DNAAF5: variants seen among roughly 807,000 people sequenced by gnomAD.
DNAAF5 encodes HEAT repeat containing 2.
In DNAAF5, 64 loss-of-function variants were observed where a neutral mutation model predicts 75.8. That is an observed-to-expected ratio of 0.84 (90% CI 0.69 to 1.04). The LOEUF (loss-of-function observed/expected upper bound fraction) is 1.04, where lower values mean the gene tolerates loss of function less well. DNAAF5 is among the 50% of genes least tolerant of loss of function. The pLI is 0.00. For missense variants in DNAAF5, 1,269 were observed against 1,178.5 expected (o/e 1.08, Z -1.12); for synonymous variants, 657 against 557.2 (o/e 1.18, Z -2.52).
intron 8 of DNAAF5, among the ~76,000 whole-genome samples, chr7:769,894 A>G (rs1778495208): frequency 6.6e-6 from 1 of 152,114 alleles, no homozygotes; most frequent in Admixed American, 6.5e-5. Flanking sequence ...CAGGTCACCC[A>G]TCTTGGCTTT....
chr7:760,782 C>T (rs1030575826), intron 6 of DNAAF5, among the ~76,000 whole-genome samples: 13 of 152,286 alleles, frequency 8.5e-5, no homozygotes, highest in Admixed American at 5.2e-4. Flanking sequence ...AGGCTGGAGC[C>T]GGGAGGGGAA....
intron 11 of DNAAF5, among the ~76,000 whole-genome samples, chr7:777,530 C>T (rs1778803856): frequency 7.0e-6 from 1 of 141,976 alleles, no homozygotes; most frequent in East Asian, 2.5e-4. Context: ...TGTGCTGGCA[C>T]TACTTTGAGG....
chr7:781,337 T>C (rs1365319594), intron 12 of DNAAF5, among the ~76,000 whole-genome samples: 1 of 152,244 alleles, frequency 6.6e-6, no homozygotes, highest in Non-Finnish European at 1.5e-5. Flanking sequence ...CCCTCCATGT[T>C]GATCCAATGA....
chr7:735,567 G>A (rs763308472), intron 2 of DNAAF5, among the ~76,000 whole-genome samples: 2 of 152,162 alleles, frequency 1.3e-5, no homozygotes, highest in African/African-American at 4.8e-5. Context: ...CGCTGCTCAC[G>A]ATGTCATTGC....
chr7:761,106 C>T (rs540799283), intron 6 of DNAAF5, among the ~76,000 whole-genome samples: 1 of 152,366 alleles, frequency 6.6e-6, no homozygotes, highest in Admixed American at 6.5e-5. Context: ...GCATCACTAA[C>T]GCAGCTTCTC....
intron 7 of DNAAF5, among the ~76,000 whole-genome samples, chr7:762,501 A>C (rs1291893800): frequency 6.6e-6 from 1 of 151,904 alleles, no homozygotes; most frequent in Non-Finnish European, 1.5e-5. Flanking sequence ...AAAAAAAAAA[A>C]AAAGTGCATG....
chr7:782,161 C>T (rs4374882), intron 12 of DNAAF5, among the ~76,000 whole-genome samples: 67,088 of 95,408 alleles, frequency 0.7, 23,552 homozygotes, highest in South Asian at 0.81. Context: ...CGGATCTTCG[C>T]GGCGTGGCCG....
intron 5 of DNAAF5, among the ~76,000 whole-genome samples, chr7:755,891 G>A (rs1030476630): frequency 3.3e-5 from 5 of 152,250 alleles, no homozygotes; most frequent in Non-Finnish European, 7.3e-5. Flanking sequence ...AGACACGGGG[G>A]TGAGGCTGAG....
At chr7:745,382 C>T (rs1214487610) in intron 4 of DNAAF5, among the ~76,000 whole-genome samples, 2 of 152,136 alleles carry the variant, frequency 1.3e-5, no homozygotes, top group Non-Finnish European at 2.9e-5. Flanking sequence ...GATCTATGAT[C>T]CTTGGAATGC....
intron 12 of DNAAF5, among the ~76,000 whole-genome samples, chr7:784,385 C>CCTCAGTGG (rs1330563492): frequency 2.0e-5 from 3 of 152,202 alleles, no homozygotes; most frequent in Non-Finnish European, 4.4e-5. Flanking sequence ...GTTCCGCCAC[C>CCTCAGTGG]CTCAGTGGCT....
At chr7:758,476 T>C (rs1332681103) in intron 6 of DNAAF5, among the ~76,000 whole-genome samples, 1 of 152,242 alleles carries the variant, frequency 6.6e-6, no homozygotes, top group Non-Finnish European at 1.5e-5. Flanking sequence ...ACGGGACCCC[T>C]GGGAAGCCAG....
At chr7:774,488 G>A (rs1439005983) in intron 10 of DNAAF5, among the ~76,000 whole-genome samples, 3 of 152,172 alleles carry the variant, frequency 2.0e-5, no homozygotes, top group African/African-American at 7.2e-5. Flanking sequence ...CTCGGTTTCC[G>A]GCCCAATGCT....
intron 12 of DNAAF5, among the ~76,000 whole-genome samples, chr7:781,404 TC>T (rs1264534549): frequency 4.6e-5 from 7 of 152,232 alleles, no homozygotes; most frequent in African/African-American, 1.7e-4. Flanking sequence ...CTCCACGTTT[TC>T]CTTCTCCCTT....
rs200287042 is a variant in DNAAF5, at chr7:774,034, C to T, written c.1932-14C>T. 11 of 1,614,096 alleles carry T rather than the reference C, an allele frequency of 6.8e-6. No individual in the cohort carries two copies. The Admixed American group carries it at 8.3e-5, about 12-fold the overall frequency. ...GTCCGGTCTCCTCATCCACCCTCTC[C>T]GTTCCGGTTCCAGGCAGTTTCCCAG... On this transcript the variant is annotated splice_polypyrimidine_tract_variant and intron_variant, in intron 9 of 12. Transcript: ENST00000297440.
Position 771,363 on chromosome 7 carries a change from C to T in DNAAF5, c.1931+745C>T, listed in dbSNP as rs550050606. On this transcript the variant is annotated intron_variant, in intron 9 of 12. Transcript: ENST00000297440. ...GCAGCTCTTAGGGCCCTGCCACTTA[C>T]TTTGCTCAGAGCAAAAGGTGCCGTC... 4.6e-5 allele frequency: 7 copies of T among 152,436 alleles called. 1 individual carries two copies. The highest frequency in any genetic ancestry group is 1.7e-4 in the African/African-American group (7 of 41,588). 9.4% of individuals were successfully genotyped at this position (152,436 alleles called of 1,614,324 possible). A position where few individuals can be genotyped will look rare whatever the true frequency, so the allele number is the denominator to read the frequency against.
At chr7:769,021 G>A in intron 8 of DNAAF5, 1 of 613,900 alleles carries the variant, frequency 1.6e-6, no homozygotes, top group South Asian at 1.8e-5. Flanking sequence ...GCGTGGGGAG[G>A]CCCTCCAAGA....
chr7:769,204 A>G (rs145768333), intron 8 of DNAAF5: 1 of 772,824 alleles, frequency 1.3e-6, no homozygotes, highest in South Asian at 1.4e-5. Context: ...CAACGGCTCA[A>G]GGTGACTCAC....
At chr7:770,407 G>A in intron 8 of DNAAF5, 64 bp from the exon 9 acceptor site, 1 of 1,533,260 alleles carries the variant, frequency 6.5e-7, no homozygotes, top group Non-Finnish European at 8.8e-7. Context: ...CTGGGCCTGT[G>A]CTGGATGGGG....
chr7:765,887 G>A (rs188198521), intron 8 of DNAAF5, among the ~76,000 whole-genome samples: 147 of 152,138 alleles, frequency 9.7e-4, no homozygotes, highest in Middle Eastern at 6.8e-3. Flanking sequence ...CTAGAAATGG[G>A]GTCATATATG....
Sources: allele counts gnomAD v4.1 joint callset (sites outside exome capture counted in the v4.1 genomes callset), GRCh38; gene constraint gnomAD v4.1.1; transcripts MANE v1.5; gene names NCBI Gene and HGNC (gene_info 2026-07-23, HGNC 2026-07-21).